ZSCAN1: variants seen among roughly 807,000 people sequenced by gnomAD.
The protein encoded by ZSCAN1 is zinc finger and SCAN domain containing 1, also known as zinc finger and SCAN domain-containing protein 1.
A neutral mutation model predicts 23.8 loss-of-function variants in ZSCAN1; 23 were observed. That is an observed-to-expected ratio of 0.97 (90% CI 0.70 to 1.37). The LOEUF is 1.37. ZSCAN1 is among the 40% of genes most tolerant of loss of function. ZSCAN1 has a pLI of 0.00. For missense variants in ZSCAN1, 575 were observed against 554.0 expected (o/e 1.04, Z -0.38); for synonymous variants, 236 against 232.3 (o/e 1.02, Z -0.15).
intron 4 of ZSCAN1, among the ~76,000 whole-genome samples, chr19:58,046,970 C>A (rs2073830511): frequency 6.6e-6 from 1 of 152,230 alleles, no homozygotes; most frequent in East Asian, 1.9e-4. Context: ...TCCACAGAAT[C>A]CTGTCTGGAT....
intron 4 of ZSCAN1, among the ~76,000 whole-genome samples, chr19:58,048,326 A>C (rs1337396535): frequency 6.6e-6 from 1 of 152,240 alleles, no homozygotes; most frequent in Non-Finnish European, 1.5e-5. Flanking sequence ...TAATTAGTAT[A>C]CTAACTGCCC....
In ZSCAN1 at chr19:58,052,598, G is replaced by A; in HGVS notation, c.574G>A (p.Ala192Thr). 6.2e-7 allele frequency: 1 copy of A among 1,611,842 alleles called. No homozygotes were observed. The highest frequency in any genetic ancestry group is 1.1e-5 in the South Asian group (1 of 90,918). ...GCAGAGTCTGCACACCAGGGCGGAG[G>A]CCGAAGCGCCCCGCGCCCCTGGCTT... ...LQQSLHTRAEAEAPRAPGLLG... is the reference protein window; with the variant it reads ...LQQSLHTRAETEAPRAPGLLG... The change falls in exon 5 of 6, where the codon GCC becomes ACC. Residue 192 changes from alanine (A) to threonine (T), a missense_variant. Physicochemically the swap from Ala to Thr is moderately conservative, Grantham distance 58 (BLOSUM62 0). Coordinates refer to ENST00000282326, the MANE Select transcript of ZSCAN1 (RefSeq NM_182572.4).
chr19:58,034,329 G>T (rs1183360901), intron 1 of ZSCAN1, among the ~76,000 whole-genome samples, 168 bp downstream of exon 1: 2 of 150,638 alleles, frequency 1.3e-5, no homozygotes, highest in Middle Eastern at 3.2e-3. Flanking sequence ...GGCCGGGCCG[G>T]GGTTCCAGAG....
chr19:58,034,132 T>G lies in ZSCAN1; in HGVS notation c.-181T>G, dbSNP rs495839. The G allele has an allele frequency of 4.6e-5, 7 of 151,024 alleles. No individual in the cohort carries two copies. The highest frequency in any genetic ancestry group is 7.4e-5 in the Non-Finnish European group (5 of 67,676). 9.4% of individuals were successfully genotyped at this position (151,024 alleles called of 1,614,324 possible). A position where few individuals can be genotyped will look rare whatever the true frequency, so the allele number is the denominator to read the frequency against. The stretch of plus-strand genomic sequence containing the variant: ...CAGCCCAGGGGTCGCCATGACCGAG[T>G]GGCCCAGGCCCGAGCGAAGCCCGCG... On this transcript the variant is annotated 5_prime_UTR_variant, in exon 1 of 6. Coordinates refer to ENST00000282326, the MANE Select transcript of ZSCAN1 (RefSeq NM_182572.4).
chr19:58,039,343 ACT>A (rs749035482), intron 3 of ZSCAN1, among the ~76,000 whole-genome samples: 1 of 152,068 alleles, frequency 6.6e-6, no homozygotes. Flanking sequence ...TTCCATGGTC[ACT>A]CTCAAAATTC....
At chr19:58,044,421 C>A (rs12971434) in intron 4 of ZSCAN1, among the ~76,000 whole-genome samples, 22,044 of 151,838 alleles carry the variant, frequency 0.15, 1,814 homozygotes, top group Middle Eastern at 0.21. Flanking sequence ...TTTTTAAAAA[C>A]CAAAAACATC....
chr19:58,046,481 G>A (rs909338700), intron 4 of ZSCAN1: 3 of 855,290 alleles, frequency 3.5e-6, no homozygotes, highest in African/African-American at 3.3e-5. Flanking sequence ...CCGGCCAAGG[G>A]CGTGCCCATG....
At position 58,053,793 on chromosome 19, in the gene ZSCAN1, CGA is replaced by C. The variant is rs1568606843; in HGVS notation, c.971_972del (p.Glu324ValfsTer13). 1 of 1,614,120 alleles carries C rather than the reference CGA, an allele frequency of 6.2e-7. No individual in the cohort carries two copies. Among genetic ancestry groups the C allele is most frequent in the Admixed American group, 1.7e-5 (1 of 60,028 alleles). ...GCGAGGAAGGGCCCTTTCCGTGCCC[CGA>C]GTGTGGCAAGGTCTTCCTGCACAAC... The part of the protein sequence containing the change: ...HREEGPFPCP[E>X]CGKVFLHNSV... On this transcript the variant is annotated frameshift_variant, in exon 6 of 6. Transcript: ENST00000282326. LOFTEE classifies it low-confidence loss of function (END_TRUNC). This position sits in a 1 kb window ranked among gnomAD's most constrained non-coding sequence, Gnocchi z 5.8.
At chr19:58,044,031 G>C (rs992100201) in intron 4 of ZSCAN1, among the ~76,000 whole-genome samples, 1 of 152,064 alleles carries the variant, frequency 6.6e-6, no homozygotes, top group African/African-American at 2.4e-5. Context: ...AGCACTTTGG[G>C]AGGCCGCGGC....
At chr19:58,042,327 G>A (rs548552197) in intron 4 of ZSCAN1, among the ~76,000 whole-genome samples, 6 of 151,358 alleles carry the variant, frequency 4.0e-5, no homozygotes, top group Middle Eastern at 3.4e-3. Context: ...GCGCGATCTC[G>A]GCTCACTGCA....
intron 4 of ZSCAN1, chr19:58,044,540 G>T: frequency 2.0e-6 from 1 of 507,030 alleles, no homozygotes; most frequent in South Asian, 2.5e-5. Flanking sequence ...CGCGGAGAAG[G>T]AGGAGGAGCC....
rs145743431 is a variant in ZSCAN1, at chr19:58,053,675, G to A, written c.851G>A (p.Arg284His). ...EAVAGISVVP[R>H]GPRGGRPFQC... ...GTTGCAGGCATCTCGGTAGTGCCGC[G>A]TGGGCCCCGAGGTGGGCGGCCCTTC... Residue 284 changes from arginine to histidine, a missense_variant, in exon 6 of 6, where the codon CGT becomes CAT. Arg to His is a conservative substitution (Grantham distance 29). Coordinates refer to ENST00000282326, the MANE Select transcript of ZSCAN1 (RefSeq NM_182572.4). The surrounding 1 kb of genome is among the most constrained non-coding windows in gnomAD (Gnocchi z 5.8). The A allele has an allele frequency of 2.2e-5, 36 of 1,614,052 alleles. No individual in the cohort carries two copies. Among genetic ancestry groups the A allele is most frequent in the Middle Eastern group, 1.6e-4 (1 of 6,084 alleles).
chr19:58,053,633 G>C lies in ZSCAN1; in HGVS notation c.809G>C (p.Gly270Ala), dbSNP rs754208110. 1.2e-6 allele frequency: 2 copies of C among 1,614,136 alleles called. No individual in the cohort carries two copies. The highest frequency in any genetic ancestry group is 4.5e-5 in the East Asian group (2 of 44,876). ...CAGCCATCCCTCAAGCACACCAAAG[G>C]TGGTACCCAAGAGGCTGTTGCAGGC... ...RHQPSLKHTK[G>A]GTQEAVAGIS... The change falls in exon 6 of 6, where the codon GGT becomes GCT. Residue 270 changes from glycine (G) to alanine (A), a missense_variant. Gly to Ala is a moderately conservative substitution (Grantham distance 60, BLOSUM62 0). Coordinates refer to ENST00000282326, the MANE Select transcript of ZSCAN1 (RefSeq NM_182572.4). This position sits in a 1 kb window ranked among gnomAD's most constrained non-coding sequence, Gnocchi z 5.8.
Position 58,045,005 on chromosome 19 carries a change from T to G in ZSCAN1, c.465+4461T>G, listed in dbSNP as rs2073815654. The G allele has an allele frequency of 5.2e-6, 6 of 1,152,446 alleles. No homozygotes were observed. The Admixed American group carries it at 8.7e-5, about 17-fold the overall frequency. The allele number at this position is 1,152,446 out of a possible 1,614,324, so 71.4% of individuals were successfully genotyped here. A position where few individuals can be genotyped will look rare whatever the true frequency, so the allele number is the denominator to read the frequency against. ...AAGAAGCTGGAGGAAGGCGGCCCTG[T>G]GTACAGCGCCCCCGCAGAGATGGTG... On this transcript the variant is annotated intron_variant, in intron 4 of 5. Transcript: ENST00000282326. This position sits in a 1 kb window ranked among gnomAD's most constrained non-coding sequence, Gnocchi z 4.3.
intron 4 of ZSCAN1, among the ~76,000 whole-genome samples, chr19:58,042,936 C>T (rs1181223573): frequency 6.6e-6 from 1 of 152,252 alleles, no homozygotes; most frequent in Admixed American, 6.5e-5. Flanking sequence ...GCCCCAACGT[C>T]CCTGAGCGAG....
At chr19:58,034,877 A>G (rs1261606007) in intron 1 of ZSCAN1, among the ~76,000 whole-genome samples, 1 of 150,884 alleles carries the variant, frequency 6.6e-6, no homozygotes, top group Non-Finnish European at 1.5e-5. Context: ...TGGCATCCTA[A>G]GCTCCCAACG....
chr19:58,036,626 C>T (rs2073739391), intron 2 of ZSCAN1, among the ~76,000 whole-genome samples: 2 of 150,840 alleles, frequency 1.3e-5, no homozygotes, highest in South Asian at 4.2e-4. Flanking sequence ...AGCATTTCTC[C>T]TGTCTCAGCC....
chr19:58,051,362 A>G (rs966220755), intron 4 of ZSCAN1, among the ~76,000 whole-genome samples: 6 of 152,202 alleles, frequency 3.9e-5, no homozygotes, highest in East Asian at 1.9e-4. Context: ...CTAGCATTTG[A>G]TAAGAAATAA....
chr19:58,046,005 C>A (rs898863381), intron 4 of ZSCAN1: 4 of 705,738 alleles, frequency 5.7e-6, no homozygotes, highest in Non-Finnish European at 2.6e-6. Context: ...AGGAGCACCG[C>A]GAGAAGGAGC....
Sources: gnomAD v4.1 joint callset for allele counts (sites outside exome capture counted in the v4.1 genomes callset) on GRCh38, gnomAD v4.1.1 for gene constraint, Gnocchi (gnomAD v3.1) non-coding constraint, MANE v1.5 for transcripts, NCBI Gene and HGNC (gene_info 2026-07-23, HGNC 2026-07-21) for gene names.